GRM5: variants seen among roughly 807,000 people sequenced by gnomAD.
GRM5 encodes metabotropic glutamate receptor 5.
A neutral mutation model predicts 83.1 loss-of-function variants in GRM5; 19 were observed. The ratio of observed to expected loss-of-function variants is 0.23; its 90% CI spans 0.16 to 0.34. GRM5 has a LOEUF of 0.34. Ranked by LOEUF, GRM5 falls within the 10% of genes least tolerant of loss-of-function variation. GRM5 has a pLI of 1.00. For missense variants in GRM5, 1,160 were observed against 1,588.3 expected, an observed-to-expected ratio of 0.73 and a Z score of 4.58; for synonymous variants, 675 against 633.6, an observed-to-expected ratio of 1.07 and a Z score of -0.98.
intron 3 of GRM5, among the ~76,000 whole-genome samples, chr11:88,730,983 G>A (rs1435730828): frequency 1.3e-5 from 2 of 151,972 alleles, no homozygotes; most frequent in African/African-American, 2.4e-5. Context: ...AAACCTGCAC[G>A]TTCTACACAT....
At chr11:88,569,105 C>T (rs758601948) in intron 7 of GRM5, among the ~76,000 whole-genome samples, 1 of 152,176 alleles carries the variant, frequency 6.6e-6, no homozygotes, top group Non-Finnish European at 1.5e-5. Flanking sequence ...TATTTACACA[C>T]ATATATAAAA....
chr11:88,839,975 G>C lies in GRM5; in HGVS notation c.911+9931C>G, dbSNP rs1426085718. Among the ~76,000 whole-genome samples the C allele has an allele frequency of 3.3e-5, 5 of 152,040 alleles. No homozygotes were observed. The East Asian group carries it at 9.6e-4, about 29-fold the overall frequency. Reference sequence around the variant, plus strand: ...TTAAGTAGATGTGGATCATCATAAAGGTTTTCATCCTAATTGTCTTCATAC... The same window carrying C: ...TTAAGTAGATGTGGATCATCATAAACGTTTTCATCCTAATTGTCTTCATAC... On this transcript the variant is annotated intron_variant, in intron 3 of 9. Coordinates refer to ENST00000305447, the MANE Select transcript of GRM5 (RefSeq NM_001143831.3).
chr11:88,777,534 C>T (rs1942883149), intron 3 of GRM5, among the ~76,000 whole-genome samples: 1 of 152,192 alleles, frequency 6.6e-6, no homozygotes, highest in Admixed American at 6.5e-5. Flanking sequence ...TTAGAATTTT[C>T]AGCTTTTCTG....
intron 3 of GRM5, among the ~76,000 whole-genome samples, chr11:88,677,069 ACTT>A (rs1940348953): frequency 6.6e-6 from 1 of 152,048 alleles, no homozygotes; most frequent in Admixed American, 6.6e-5. Context: ...AGAACTCTAC[ACTT>A]CTTTGATGGG....
chr11:88,590,733 G>C lies in GRM5; in HGVS notation c.1564-6C>G. On this transcript the variant is annotated splice_region_variant and splice_polypyrimidine_tract_variant and intron_variant, in intron 6 of 9. Coordinates refer to ENST00000305447, the MANE Select transcript of GRM5 (RefSeq NM_001143831.3). Reference sequence around the variant, plus strand: ...ACTTCTCCCTTTCGGATCACCTAAGGCAAATATTTGAAATTTAGATTTTTT... The same window carrying C: ...ACTTCTCCCTTTCGGATCACCTAAGCCAAATATTTGAAATTTAGATTTTTT... 6.2e-7 allele frequency: 1 copy of C among 1,605,438 alleles called. No homozygotes were observed. Among genetic ancestry groups the C allele is most frequent in the Non-Finnish European group, 8.5e-7 (1 of 1,174,504 alleles).
At chr11:88,623,419 C>T (rs191368843) in intron 4 of GRM5, among the ~76,000 whole-genome samples, 28 of 152,218 alleles carry the variant, frequency 1.8e-4, no homozygotes, top group African/African-American at 4.6e-4. Flanking sequence ...TGTGAGCCAC[C>T]GTGCCCGGCC....
At chr11:88,797,728 G>T (rs923209881) in intron 3 of GRM5, among the ~76,000 whole-genome samples, 1 of 151,478 alleles carries the variant, frequency 6.6e-6, no homozygotes, top group Non-Finnish European at 1.5e-5. Flanking sequence ...ATCCTATTTT[G>T]GTATAAGATA....
At chr11:88,832,719 T>C (rs1490640358) in intron 3 of GRM5, among the ~76,000 whole-genome samples, 2 of 152,206 alleles carry the variant, frequency 1.3e-5, no homozygotes, top group South Asian at 2.1e-4. Flanking sequence ...TAAAATATAT[T>C]ACAAGAATAT....
chr11:88,758,647 GA>G (rs1942447119), intron 3 of GRM5, among the ~76,000 whole-genome samples: 1 of 152,112 alleles, frequency 6.6e-6, no homozygotes, highest in Non-Finnish European at 1.5e-5. Flanking sequence ...GGGGAGAATG[GA>G]ATCAACTTGG....
At chr11:88,854,055 G>GGT (rs1218117455) in intron 2 of GRM5, among the ~76,000 whole-genome samples, 2 of 25,504 alleles carry the variant, frequency 7.8e-5, no homozygotes, top group East Asian at 1.4e-3. Flanking sequence ...TAAAAAATGT[G>GGT]GTGTATATAT....
intron 4 of GRM5, among the ~76,000 whole-genome samples, chr11:88,624,585 G>T (rs1315539429): frequency 2.0e-5 from 3 of 152,146 alleles, no homozygotes; most frequent in African/African-American, 7.2e-5. Flanking sequence ...GGGGGACCAA[G>T]ACGGGAGGAT....
intron 3 of GRM5, among the ~76,000 whole-genome samples, chr11:88,757,021 A>C (rs1942408169): frequency 6.6e-6 from 1 of 152,180 alleles, no homozygotes; most frequent in Admixed American, 6.6e-5. Flanking sequence ...ACACAAAGAG[A>C]AAATCTTGAA....
At chr11:88,946,209 C>T (rs935786583) in intron 2 of GRM5, among the ~76,000 whole-genome samples, 2 of 152,006 alleles carry the variant, frequency 1.3e-5, no homozygotes, top group Non-Finnish European at 1.5e-5. Flanking sequence ...GTTAGAACTG[C>T]TATTATTAAA....
intron 3 of GRM5, among the ~76,000 whole-genome samples, chr11:88,688,414 T>C: frequency 6.6e-6 from 1 of 152,206 alleles, no homozygotes; most frequent in East Asian, 1.9e-4. Context: ...AATTTTCTGA[T>C]GCTTTGGCCC....
intron 8 of GRM5, among the ~76,000 whole-genome samples, chr11:88,544,615 C>T (rs556042247): frequency 6.6e-6 from 1 of 152,224 alleles, no homozygotes; most frequent in South Asian, 2.1e-4. Flanking sequence ...TGGATCTGCA[C>T]TTGGCAATAC....
intron 3 of GRM5, among the ~76,000 whole-genome samples, chr11:88,753,644 T>G (rs1278492364): frequency 6.6e-6 from 1 of 152,100 alleles, no homozygotes; most frequent in Non-Finnish European, 1.5e-5. Context: ...GAAGCACTAT[T>G]CACAGTAGCA....
intron 3 of GRM5, among the ~76,000 whole-genome samples, chr11:88,699,239 G>A (rs938584414): frequency 2.0e-5 from 3 of 152,154 alleles, no homozygotes; most frequent in Admixed American, 2.0e-4. Context: ...CTTGTAGGTA[G>A]AGACAGAGGC....
chr11:88,806,859 T>C (rs1390859225), intron 3 of GRM5, among the ~76,000 whole-genome samples: 2 of 152,198 alleles, frequency 1.3e-5, no homozygotes, highest in Non-Finnish European at 2.9e-5. Context: ...CAGATAGTAT[T>C]GTTACCTCTC....
intron 3 of GRM5, among the ~76,000 whole-genome samples, chr11:88,720,726 T>G (rs2169662): frequency 3.5e-4 from 53 of 151,842 alleles, no homozygotes; most frequent in African/African-American, 1.2e-3. Flanking sequence ...TCCATTAAAA[T>G]TGTTATGTGC....
Sources: allele counts gnomAD v4.1 joint callset (sites outside exome capture counted in the v4.1 genomes callset), GRCh38; gene constraint gnomAD v4.1.1; transcripts MANE v1.5; gene names NCBI Gene and HGNC (gene_info 2026-07-23, HGNC 2026-07-21).